Variants in TRPC3 observed in about 807,000 individuals in gnomAD.
The protein encoded by TRPC3 is transient receptor potential cation channel subfamily C member 3.
TRPC3 carries 54 observed loss-of-function variants against 90.9 expected under a neutral mutation model. The ratio of observed to expected loss-of-function variants is 0.59; its 90% CI spans 0.48 to 0.75. The LOEUF is 0.75. Ranked by LOEUF, TRPC3 falls within the 30% of genes least tolerant of loss-of-function variation. The pLI is 0.00. For synonymous variants in TRPC3, 424 were observed against 450.9 expected, an observed-to-expected ratio of 0.94 and a Z score of 0.75; for missense variants, 918 against 1,194.5, an observed-to-expected ratio of 0.77 and a Z score of 3.41.
At chr4:121,897,019 T>A (rs944582759) in intron 10 of TRPC3, among the ~76,000 whole-genome samples, 1 of 152,074 alleles carries the variant, frequency 6.6e-6, no homozygotes, top group African/African-American at 2.4e-5. Flanking sequence ...TTTACAAAGA[T>A]GCCAAAAACA....
chr4:121,894,555 G>GT (rs374034360), intron 10 of TRPC3, among the ~76,000 whole-genome samples: 18,517 of 62,844 alleles, frequency 0.29, 6,549 homozygotes, highest in East Asian at 0.39. Context: ...TACACATTCT[G>GT]TTTTTTTTTT....
Position 121,877,522 on chromosome 4 carries a change from T to C in TRPC3, c.*2214A>G, listed in dbSNP as rs942877953. Among the ~76,000 whole-genome samples, 3 of 152,074 alleles carry C rather than the reference T, an allele frequency of 2.0e-5. No homozygotes were observed. The South Asian group carries it at 6.2e-4, about 32-fold the overall frequency. ...TCTTCTTTTTAGCTGAGGGCAATTC[T>C]CCAGGGGAAGTGATTGGCTAGGAAC... On this transcript the variant is annotated 3_prime_UTR_variant, in exon 12 of 12. Coordinates refer to ENST00000379645, the MANE Select transcript of TRPC3 (RefSeq NM_001130698.2).
At chr4:121,888,263 T>C (rs544831591) in intron 10 of TRPC3, among the ~76,000 whole-genome samples, 3 of 152,298 alleles carry the variant, frequency 2.0e-5, no homozygotes, top group South Asian at 2.1e-4. Context: ...CTCATTTGGA[T>C]ATAAAACACA....
At chr4:121,937,589 A>T (rs1730173196) in intron 1 of TRPC3, among the ~76,000 whole-genome samples, 1 of 152,196 alleles carries the variant, frequency 6.6e-6, no homozygotes, top group Admixed American at 6.5e-5. Context: ...TTAAAAGGTT[A>T]TTGTATCTTT....
chr4:121,879,844 G>A lies in TRPC3; in HGVS notation c.2658C>T (p.Ser886=). The change falls in exon 12 of 12, where the codon AGC becomes AGT. Residue 886 remains serine, a synonymous_variant. Transcript: ENST00000379645. ...TGTCTTCCAAAAGTTCATAACGAAG[G>A]CTGGAGATATCTTGCTTGATTTCTT... ...ELKEIKQDIS[S]LRYELLEDKS... 6.2e-7 allele frequency: 1 copy of A among 1,601,954 alleles called. No homozygotes were observed. Among genetic ancestry groups the A allele is most frequent in the Non-Finnish European group, 8.5e-7 (1 of 1,176,352 alleles).
rs910836587 is a variant in TRPC3 at position 121,951,763 on chromosome 4, C to G, written c.-83G>C. On this transcript the variant is annotated 5_prime_UTR_variant, in exon 1 of 12. Transcript: ENST00000379645. This position sits in a 1 kb window ranked among gnomAD's most constrained non-coding sequence, Gnocchi z 4.4. ...GGCAGTGCAGTCTTCCCGCGGCGCC[C>G]CTTCACCACCTCCCGCGGCTTCCGG... The G allele has an allele frequency of 1.7e-6, 2 of 1,146,380 alleles. No individual in the cohort carries two copies. Among genetic ancestry groups the G allele is most frequent in the Non-Finnish European group, 2.3e-6 (2 of 888,380 alleles). 71.0% of individuals were successfully genotyped at this position (1,146,380 alleles called of 1,614,324 possible). A position where few individuals can be genotyped will look rare whatever the true frequency, so the allele number is the denominator to read the frequency against.
In TRPC3 at chr4:121,875,624, T is replaced by C. The variant is rs1008922341; in HGVS notation, c.*4112A>G. On this transcript the variant is annotated 3_prime_UTR_variant, in exon 12 of 12. Transcript: ENST00000379645. Reference sequence around the variant, plus strand: ...GACAAAGACCACTTTAGAGACAAATTTGCAGAATTACCATGCACCTCAGTA... The same window carrying C: ...GACAAAGACCACTTTAGAGACAAATCTGCAGAATTACCATGCACCTCAGTA... Among the ~76,000 whole-genome samples, 1 of 152,112 alleles carries C rather than the reference T, an allele frequency of 6.6e-6. No homozygotes were observed. Among genetic ancestry groups the C allele is most frequent in the African/African-American group, 2.4e-5 (1 of 41,448 alleles).
chr4:121,940,132 A>C (rs918513575), intron 1 of TRPC3, among the ~76,000 whole-genome samples: 1 of 152,188 alleles, frequency 6.6e-6, no homozygotes, highest in South Asian at 2.1e-4. Context: ...CAAGAATCAG[A>C]AAGCAAAAGC....
chr4:121,892,825 G>C (rs1278432355), intron 10 of TRPC3, among the ~76,000 whole-genome samples: 2 of 152,038 alleles, frequency 1.3e-5, no homozygotes, highest in African/African-American at 2.4e-5. Flanking sequence ...TTCAAATAGA[G>C]AAATAAGGAA....
chr4:121,917,449 C>T lies in TRPC3; in HGVS notation c.1177-2505G>A, dbSNP rs1729357278. ...TCATTCATTCATTCATTTATTCACT[C>T]ATCAAAATGTCTTAAGCCCCTCCTA... On this transcript the variant is annotated intron_variant, in intron 3 of 11. Coordinates refer to ENST00000379645, the MANE Select transcript of TRPC3 (RefSeq NM_001130698.2). Among the ~76,000 whole-genome samples, 4 of 152,160 alleles carry T rather than the reference C, an allele frequency of 2.6e-5. No homozygotes were observed. The South Asian group carries it at 8.3e-4, about 32-fold the overall frequency.
intron 10 of TRPC3, among the ~76,000 whole-genome samples, chr4:121,893,731 T>C (rs1381386102): frequency 6.6e-6 from 1 of 152,122 alleles, no homozygotes; most frequent in African/African-American, 2.4e-5. Context: ...AAAAACATTC[T>C]TAAGTCATAA....
chr4:121,902,410 A>T (rs1728734768), intron 9 of TRPC3, among the ~76,000 whole-genome samples: 1 of 152,170 alleles, frequency 6.6e-6, no homozygotes, highest in African/African-American at 2.4e-5. Flanking sequence ...TTATGACACT[A>T]ATGGAAAAAA....
intron 2 of TRPC3, among the ~76,000 whole-genome samples, chr4:121,925,605 A>C (rs1335278992): frequency 6.6e-6 from 1 of 152,178 alleles, no homozygotes; most frequent in Non-Finnish European, 1.5e-5. Flanking sequence ...AGAAGAAATA[A>C]GTTTTTGAGA....
intron 3 of TRPC3, among the ~76,000 whole-genome samples, chr4:121,924,452 G>C (rs1180773219): frequency 3.9e-5 from 6 of 152,170 alleles, no homozygotes; most frequent in African/African-American, 1.4e-4. Context: ...CCCACCATGG[G>C]TAAAAAGTAG....
intron 1 of TRPC3, among the ~76,000 whole-genome samples, chr4:121,940,529 T>C (rs1730272500): frequency 6.6e-6 from 1 of 152,182 alleles, no homozygotes; most frequent in Non-Finnish European, 1.5e-5. Context: ...TTTCCCTCTC[T>C]GAACACACTG....
chr4:121,907,775 A>G (rs539534209), intron 6 of TRPC3, among the ~76,000 whole-genome samples: 3 of 152,226 alleles, frequency 2.0e-5, no homozygotes, highest in Admixed American at 2.0e-4. Context: ...AGGGTACACT[A>G]TTATAAAGAT....
chr4:121,897,453 CAAAAAAAAAAAAAAAAAAAA>C (rs70950860), intron 10 of TRPC3, among the ~76,000 whole-genome samples: 46 of 43,434 alleles, frequency 1.1e-3, no homozygotes, highest in Admixed American at 1.8e-3. Context: ...ATCTCAACAG[CAAAAAAAAAAAAAAAAAAAA>C]AAAAAAAAAA....
intron 10 of TRPC3, among the ~76,000 whole-genome samples, chr4:121,882,812 A>G (rs1408703734): frequency 2.0e-5 from 3 of 152,138 alleles, no homozygotes; most frequent in Non-Finnish European, 2.9e-5. Context: ...TGTATACTCT[A>G]TATAGAGAAT....
chr4:121,910,369 C>T lies in TRPC3; in HGVS notation c.1577G>A (p.Cys526Tyr). Residue 526 changes from cysteine (C) to tyrosine (Y), a missense_variant, in exon 6 of 12, where the codon TGT (cysteine) becomes TAT (tyrosine). By Grantham distance (194) the Cys-to-Tyr change is radical. Around this residue, in one of 4 missense-constraint regions of TRPC3, gnomAD observed 609 missense variants for 725.9 expected, o/e 0.84. Transcript: ENST00000379645. ...VWVLGMMWSE[C>Y]KELWLEGPRE... ...AGGTCCTTCCAGCCAGAGCTCTTTACATTCAGACCACATCATTCCTGTCAC... is the reference window on the plus strand; with the variant it reads ...AGGTCCTTCCAGCCAGAGCTCTTTATATTCAGACCACATCATTCCTGTCAC... 3 of 1,613,498 alleles carry T rather than the reference C, an allele frequency of 1.9e-6. No individual in the cohort carries two copies. In the South Asian group the frequency reaches 3.3e-5, roughly 18 times the overall value.
Sources: gnomAD v4.1 joint callset for allele counts (sites outside exome capture counted in the v4.1 genomes callset) on GRCh38, gnomAD v4.1.1 for gene constraint, gnomAD v4.1.1 regional missense constraint, Gnocchi (gnomAD v3.1) non-coding constraint, MANE v1.5 for transcripts, NCBI Gene and HGNC (gene_info 2026-07-23, HGNC 2026-07-21) for gene names.